Variants in ANKMY1 observed in about 807,000 individuals in gnomAD.
The protein encoded by ANKMY1 is ankyrin repeat and MYND domain-containing protein 1.
ANKMY1 carries 98 observed loss-of-function variants against 102.0 expected under a neutral mutation model. The ratio of observed to expected loss-of-function variants is 0.96; its 90% CI spans 0.82 to 1.14. ANKMY1 has a LOEUF of 1.14. ANKMY1 is among the 50% of genes most tolerant of loss of function. The pLI, the probability that ANKMY1 is intolerant of heterozygous loss-of-function variation, is 0.00. For synonymous variants in ANKMY1, 582 were observed against 559.9 expected (o/e 1.04, Z -0.56); for missense variants, 1,330 against 1,347.6 (o/e 0.99, Z 0.20).
chr2:240,551,492 G>C (rs1276249271), intron 4 of ANKMY1, among the ~76,000 whole-genome samples: 1 of 152,194 alleles, frequency 6.6e-6, no homozygotes, highest in Non-Finnish European at 1.5e-5. Context: ...GCCAGTTTAG[G>C]ACAGCCTATG....
intron 15 of ANKMY1, among the ~76,000 whole-genome samples, chr2:240,497,842 G>A (rs1371892171): frequency 6.6e-6 from 1 of 152,200 alleles, no homozygotes; most frequent in East Asian, 1.9e-4. Flanking sequence ...TGGGGGTCGG[G>A]ACAATGGGAT....
At position 240,520,408 on chromosome 2, in the gene ANKMY1, A is replaced by G. The variant is rs1163465968; in HGVS notation, c.1958T>C (p.Leu653Pro). 1 of 1,603,184 alleles carries G rather than the reference A, an allele frequency of 6.2e-7. No homozygotes were observed. The highest frequency in any genetic ancestry group is 1.7e-5 in the Admixed American group (1 of 58,444). ...GGTCCTCGCCCCGTGCTCCAGCAGCAGCCTCACCCCATCCACGTCCCCGGC... is the reference window on the plus strand; with the variant it reads ...GGTCCTCGCCCCGTGCTCCAGCAGCGGCCTCACCCCATCCACGTCCCCGGC... ...VKAGDVDGVR[L>P]LLEHGARTDI... is the part of the protein sequence containing the mutation. The change falls in exon 9 of 18, where the codon CTG becomes CCG. Residue 653 changes from leucine to proline, a missense_variant. Coordinates refer to ENST00000401804, the MANE Select transcript of ANKMY1 (RefSeq NM_001282771.3). The surrounding 1 kb of genome is among the most constrained non-coding windows in gnomAD (Gnocchi z 4.8).
chr2:240,516,377 C>T (rs149196883), intron 9 of ANKMY1, among the ~76,000 whole-genome samples: 9 of 152,046 alleles, frequency 5.9e-5, no homozygotes, highest in East Asian at 1.9e-4. Context: ...TTATTTGGCA[C>T]GTTAGAATTT....
chr2:240,487,445 GC>G (rs2076177822), intron 15 of ANKMY1, among the ~76,000 whole-genome samples: 1 of 152,184 alleles, frequency 6.6e-6, no homozygotes, highest in African/African-American at 2.4e-5. Flanking sequence ...CAATAAATAG[GC>G]AAGTGCAGAT....
chr2:240,471,325 C>T, the ANKMY1 span, among the ~76,000 whole-genome samples: 1 of 144,456 alleles, frequency 6.9e-6, no homozygotes, highest in South Asian at 2.2e-4. Flanking sequence ...GTGGTGTGAT[C>T]TCAGCTCACT....
chr2:240,547,852 G>A lies in ANKMY1; in HGVS notation c.480+5062C>T, dbSNP rs576636164. 2.0e-5 allele frequency among the ~76,000 whole-genome samples: 3 copies of A among 150,970 alleles called. No homozygotes were observed. In the East Asian group the frequency reaches 5.8e-4, roughly 29 times the overall value. Reference sequence around the variant, plus strand: ...TCTGAATAGACCAATAACAGGAGCTGAAATTGTGGCAATAATCAATAGTTT... The same window carrying A: ...TCTGAATAGACCAATAACAGGAGCTAAAATTGTGGCAATAATCAATAGTTT... On this transcript the variant is annotated intron_variant, in intron 4 of 17. Transcript: ENST00000401804.
chr2:240,518,408 A>G (rs2081560944), intron 9 of ANKMY1, among the ~76,000 whole-genome samples: 2 of 151,936 alleles, frequency 1.3e-5, no homozygotes, highest in Non-Finnish European at 2.9e-5. Flanking sequence ...GCTTTCCCAC[A>G]CGTGGTTATA....
chr2:240,545,322 A>G (rs559116390), intron 4 of ANKMY1, among the ~76,000 whole-genome samples: 3,471 of 152,326 alleles, frequency 0.023, 63 homozygotes, highest in Non-Finnish European at 0.036. Context: ...AGGAAAACTA[A>G]CAAATAGAAA....
At chr2:240,472,236 C>G in the ANKMY1 span, among the ~76,000 whole-genome samples, 2 of 124,730 alleles carry the variant, frequency 1.6e-5, no homozygotes, top group African/African-American at 5.7e-5. Context: ...CACGGCCGCA[C>G]GCGGGGAGGC....
intron 15 of ANKMY1, among the ~76,000 whole-genome samples, chr2:240,495,623 C>T (rs1464036868): frequency 6.6e-6 from 1 of 152,186 alleles, no homozygotes. Flanking sequence ...ACTCCTTACC[C>T]TGCCCCCTTG....
chr2:240,479,786 G>A (rs2075134602), intron 17 of ANKMY1, 131 bp from the exon 18 acceptor site: 1 of 781,358 alleles, frequency 1.3e-6, no homozygotes, highest in Non-Finnish European at 2.1e-6. Context: ...TTGCAGGCAA[G>A]GAGTCGGGAT....
At position 240,499,858 on chromosome 2, in the gene ANKMY1, C is replaced by T. The variant is rs1271850994; in HGVS notation, c.2806+100G>A. ...GAGCCCAGCCCCAGGAAGGCCCCTC[C>T]AAGAGCCCCAGGGGGTCCAGATCTC... On this transcript the variant is annotated intron_variant, in intron 15 of 17. Coordinates refer to ENST00000401804, the MANE Select transcript of ANKMY1 (RefSeq NM_001282771.3). This position sits in a 1 kb window ranked among gnomAD's most constrained non-coding sequence, Gnocchi z 4.2. 18 of 1,421,108 alleles carry T rather than the reference C, an allele frequency of 1.3e-5. No individual in the cohort carries two copies. Among genetic ancestry groups the T allele is most frequent in the Non-Finnish European group, 1.7e-5 (18 of 1,073,440 alleles). The allele number at this position is 1,421,108 out of a possible 1,614,324, so 88.0% of individuals were successfully genotyped here. A position where few individuals can be genotyped will look rare whatever the true frequency, so the allele number is the denominator to read the frequency against.
Position 240,524,310 on chromosome 2 carries a change from G to A in ANKMY1, c.1407C>T (p.Tyr469=). The change falls in exon 8 of 18, where the codon TAC becomes TAT. Residue 469 remains tyrosine (Y), a synonymous_variant. Coordinates refer to ENST00000401804, the MANE Select transcript of ANKMY1 (RefSeq NM_001282771.3). ...SFMDTNLESL[Y]YEVNVPSQGS... ...CCTGGGAAGGCACGTTCACCTCATA[G>A]TACAGAGACTCCAGGTTTGTGTCCA... 6.2e-7 allele frequency: 1 copy of A among 1,613,750 alleles called. No homozygotes were observed. The highest frequency in any genetic ancestry group is 8.5e-7 in the Non-Finnish European group (1 of 1,179,984).
chr2:240,519,044 T>G (rs182381286), intron 9 of ANKMY1, among the ~76,000 whole-genome samples: 1 of 152,198 alleles, frequency 6.6e-6, no homozygotes, highest in Non-Finnish European at 1.5e-5. Context: ...GCTGAAACGA[T>G]GGACGAGTGT....
intron 13 of ANKMY1, among the ~76,000 whole-genome samples, chr2:240,503,971 C>T (rs1177281263): frequency 1.3e-5 from 2 of 152,332 alleles, no homozygotes; most frequent in East Asian, 1.9e-4. Flanking sequence ...CCCCCAGAAG[C>T]CACAGCGAGG....
chr2:240,474,875 A>G (rs2074753047), downstream of ANKMY1, among the ~76,000 whole-genome samples: 1 of 152,222 alleles, frequency 6.6e-6, no homozygotes, highest in African/African-American at 2.4e-5. Context: ...TACAACTACA[A>G]TGAACATATG....
At chr2:240,535,391 A>G (rs1054604885) in intron 4 of ANKMY1, among the ~76,000 whole-genome samples, 13 of 152,242 alleles carry the variant, frequency 8.5e-5, no homozygotes, top group African/African-American at 3.1e-4. Flanking sequence ...AAGATAAAGA[A>G]CCAAGTTTTA....
At chr2:240,519,537 G>C (rs1226473293) in intron 9 of ANKMY1, among the ~76,000 whole-genome samples, 13 of 152,180 alleles carry the variant, frequency 8.5e-5, no homozygotes, top group Admixed American at 8.5e-4. Context: ...CTGAGAGGAG[G>C]AGCAGTCATG....
At chr2:240,505,188 G>C (rs542225345) in intron 13 of ANKMY1, among the ~76,000 whole-genome samples, 1 of 151,996 alleles carries the variant, frequency 6.6e-6, no homozygotes, top group Non-Finnish European at 1.5e-5. Context: ...ATGGCCGGGC[G>C]CGGTGGCTCA....
Sources: gnomAD v4.1 joint callset for allele counts (sites outside exome capture counted in the v4.1 genomes callset) on GRCh38, gnomAD v4.1.1 for gene constraint, Gnocchi (gnomAD v3.1) non-coding constraint, MANE v1.5 for transcripts, NCBI Gene and HGNC (gene_info 2026-07-23, HGNC 2026-07-21) for gene names.